Variants in TJP2 observed in about 807,000 individuals in gnomAD.
TJP2 encodes Friedreich ataxia region gene X104 (tight junction protein ZO-2).
TJP2 carries 91 observed loss-of-function variants against 133.1 expected under a neutral mutation model. The observed-to-expected ratio is 0.68, with a 90% CI of 0.58 to 0.81. TJP2 has a LOEUF of 0.81. Ranked by LOEUF, TJP2 falls within the 40% of genes least tolerant of loss-of-function variation. The pLI, the probability that TJP2 is intolerant of heterozygous loss-of-function variation, is 0.00. For missense variants in TJP2, 1,541 were observed against 1,565.6 expected (o/e 0.98, Z 0.26); for synonymous variants, 592 against 583.4 (o/e 1.01, Z -0.21).
chr9:69,231,411 A>G (rs762690546), intron 11 of TJP2, among the ~76,000 whole-genome samples: 8 of 151,974 alleles, frequency 5.3e-5, no homozygotes, highest in Admixed American at 3.9e-4. Context: ...AACTGTCTTC[A>G]TTGGAATTTC....
intron 1 of TJP2, among the ~76,000 whole-genome samples, chr9:69,209,890 C>T (rs1827737605): frequency 6.6e-6 from 1 of 152,076 alleles, no homozygotes; most frequent in African/African-American, 2.4e-5. Context: ...CTATAGAGCA[C>T]ATCTAGAAAG....
At chr9:69,242,185 T>C (rs191954353) in intron 17 of TJP2, among the ~76,000 whole-genome samples, 1 of 152,132 alleles carries the variant, frequency 6.6e-6, no homozygotes, top group Non-Finnish European at 1.5e-5. Context: ...CTAACCTGAG[T>C]CCGCATCATT....
intron 1 of TJP2, among the ~76,000 whole-genome samples, chr9:69,150,913 AATATTATT>A (rs912404006): frequency 2.6e-5 from 4 of 152,244 alleles, no homozygotes; most frequent in Non-Finnish European, 5.9e-5. Flanking sequence ...CATACAATGT[AATATTATT>A]TGGCCATAAA....
chr9:69,169,364 T>TC (rs1054263114), upstream of TJP2, among the ~76,000 whole-genome samples: 1 of 133,292 alleles, frequency 7.5e-6, no homozygotes, highest in Admixed American at 8.4e-5. Context: ...CTTTTTTTTT[T>TC]TTTTTGGGGG....
intron 7 of TJP2, 105 bp from the exon 8 acceptor site, chr9:69,227,660 G>A (rs144495407): frequency 8.9e-6 from 7 of 785,416 alleles, no homozygotes; most frequent in East Asian, 5.4e-5. Context: ...TGCCTACCTC[G>A]TTTCCATTTC....
intron 1 of TJP2, among the ~76,000 whole-genome samples, chr9:69,147,218 G>A (rs1316355249): frequency 6.6e-6 from 1 of 152,170 alleles, no homozygotes; most frequent in Non-Finnish European, 1.5e-5. Context: ...GTCTCAGAAT[G>A]ACGAAAGTTT....
intron 2 of TJP2, among the ~76,000 whole-genome samples, chr9:69,155,848 G>A (rs1823727282): frequency 6.6e-6 from 1 of 152,190 alleles, no homozygotes; most frequent in Admixed American, 6.5e-5. Context: ...CTAAGTCAGG[G>A]GAGGATTCCT....
chr9:69,196,035 T>A (rs1826534737), intron 1 of TJP2, among the ~76,000 whole-genome samples: 1 of 152,182 alleles, frequency 6.6e-6, no homozygotes, highest in African/African-American at 2.4e-5. Context: ...CCATCATAGC[T>A]CACTGCAGTC....
rs114863213 is a variant in TJP2 at position 69,122,935 on chromosome 9, C to G, written c.-131+1210C>G. ...GGTGAGGAACCTGTTATTCTAGTTG[C>G]TGATAGGGTGACATTCTGGGTACTT... is the stretch of plus-strand genomic sequence containing the variant. On this transcript the variant is annotated intron_variant, in intron 1 of 5. Coordinates refer to the TJP2 transcript ENST00000423935. 1.2e-3 allele frequency among the ~76,000 whole-genome samples: 182 copies of G among 152,278 alleles called. 1 individual carries two copies. Among genetic ancestry groups the G allele is most frequent in the African/African-American group, 4.3e-3 (177 of 41,554 alleles).
chr9:69,189,301 T>G (rs557947629), intron 1 of TJP2, among the ~76,000 whole-genome samples: 1 of 152,140 alleles, frequency 6.6e-6, no homozygotes, highest in Non-Finnish European at 1.5e-5. Context: ...ACATACAAAT[T>G]TTGCTTCTTT....
intron 10 of TJP2, among the ~76,000 whole-genome samples, 184 bp from the exon 11 acceptor site, chr9:69,229,898 C>T (rs1415029583): frequency 6.6e-6 from 1 of 152,184 alleles, no homozygotes; most frequent in Non-Finnish European, 1.5e-5. Context: ...TACTGATACT[C>T]ATCTCATGGT....
chr9:69,228,218 C>CAA, intron 9 of TJP2, 104 bp downstream of exon 9: 16 of 1,373,810 alleles, frequency 1.2e-5, no homozygotes, highest in Non-Finnish European at 1.5e-5. Flanking sequence ...CACGTGGATG[C>CAA]AGCTGGAGGC....
rs1404895159 is a variant in TJP2, at chr9:69,225,909, A to G, written c.1057-113A>G. On this transcript the variant is annotated intron_variant, in intron 6 of 22. Coordinates refer to ENST00000377245, the MANE Select transcript of TJP2 (RefSeq NM_004817.4). Reference sequence around the variant, plus strand: ...TTTTTATTGAGTCATCCTAAAGCCAATATCTGTTTGAATATCTGAGCAAAG... The same window carrying G: ...TTTTTATTGAGTCATCCTAAAGCCAGTATCTGTTTGAATATCTGAGCAAAG... 3.3e-5 allele frequency: 38 copies of G among 1,148,880 alleles called. No individual in the cohort carries two copies. The East Asian group carries it at 7.5e-4, about 23-fold the overall frequency. The allele number at this position is 1,148,880 out of a possible 1,614,324, so 71.2% of individuals were successfully genotyped here.
intron 1 of TJP2, among the ~76,000 whole-genome samples, chr9:69,148,755 G>C (rs1277178910): frequency 1.3e-5 from 2 of 152,130 alleles, no homozygotes; most frequent in African/African-American, 4.8e-5. Flanking sequence ...TGGCCAAAAC[G>C]AATGGCTACC....
chr9:69,244,183 GGA>G (rs1830764452), intron 17 of TJP2, among the ~76,000 whole-genome samples: 1 of 109,364 alleles, frequency 9.1e-6, no homozygotes, highest in African/African-American at 3.9e-5. Flanking sequence ...CCCTGTCTCA[GGA>G]AAAAAAAAAA....
At position 69,248,189 on chromosome 9, in the gene TJP2, A is replaced by G; in HGVS notation, c.2845A>G (p.Ile949Val). Residue 949 changes from isoleucine to valine, a missense_variant, in exon 19 of 23, where the codon ATC (isoleucine) becomes GTC (valine). Coordinates refer to ENST00000377245, the MANE Select transcript of TJP2 (RefSeq NM_004817.4). ...AGCCGAGGAGCCGCTGGTGTCGTCC[A>G]TCACCCGCTCCTCGGAGCCGGTGCA... ...EPAEEPLVSS[I>V]TRSSEPVQHE... 3.7e-6 allele frequency: 6 copies of G among 1,611,736 alleles called. No homozygotes were observed. Among genetic ancestry groups the G allele is most frequent in the Non-Finnish European group, 5.1e-6 (6 of 1,178,898 alleles).
intron 1 of TJP2, among the ~76,000 whole-genome samples, chr9:69,180,768 G>C (rs1226960458): frequency 2.6e-5 from 4 of 152,230 alleles, no homozygotes; most frequent in African/African-American, 9.6e-5. Flanking sequence ...ACTTCCTGGT[G>C]AGCTCAGTTT....
chr9:69,196,086 C>G (rs943339687), intron 1 of TJP2, among the ~76,000 whole-genome samples: 1 of 152,132 alleles, frequency 6.6e-6, no homozygotes, highest in Admixed American at 6.6e-5. Context: ...CCACAGCCTC[C>G]CAATGTGCTG....
At chr9:69,138,037 A>G (rs1008528942) in intron 1 of TJP2, among the ~76,000 whole-genome samples, 8 of 152,240 alleles carry the variant, frequency 5.3e-5, no homozygotes, top group African/African-American at 1.7e-4. Flanking sequence ...TGGAACATCA[A>G]TCACTTTCTG....
Sources: gnomAD v4.1 joint callset for allele counts (sites outside exome capture counted in the v4.1 genomes callset) on GRCh38, gnomAD v4.1.1 for gene constraint, MANE v1.5 for transcripts, NCBI Gene and HGNC (gene_info 2026-07-23, HGNC 2026-07-21) for gene names.